The following PUDP variants were observed in gnomAD, a reference collection of about 807,000 sequenced individuals.
PUDP encodes the protein pseudouridine-5'-phosphatase.
PUDP carries 8 observed loss-of-function variants against 9.4 expected under a neutral mutation model. The ratio of observed to expected loss-of-function variants is 0.85; its 90% CI spans 0.50 to 1.53. The LOEUF is 1.53. Ranked by LOEUF, PUDP falls within the 40% of genes most tolerant of loss-of-function variation. The pLI is 0.00. For synonymous variants in PUDP, 99 were observed against 80.7 expected (o/e 1.23, Z -1.22); for missense variants, 188 against 189.7 (o/e 0.99, Z 0.05).
chrX:6,768,603 A>G (rs1343148391), intron 3 of PUDP, among the ~76,000 whole-genome samples: 1 of 111,646 alleles, frequency 9.0e-6, no homozygotes, highest in Non-Finnish European at 1.9e-5. Flanking sequence ...AAATTGCAAG[A>G]TCCATTCTGT....
intron 1 of PUDP, among the ~76,000 whole-genome samples, chrX:7,134,967 T>C (rs1382577704): frequency 8.9e-6 from 1 of 112,247 alleles, no homozygotes; most frequent in South Asian, 3.7e-4. Context: ...GCCAAGCTAC[T>C]GCAATTGAGG....
At chrX:7,106,394 G>A (rs748522883) in intron 1 of PUDP, among the ~76,000 whole-genome samples, 1 of 112,171 alleles carries the variant, frequency 8.9e-6, no homozygotes, top group Non-Finnish European at 1.9e-5. Flanking sequence ...TTAACTCCCG[G>A]CTCGGCACTT....
At chrX:6,908,102 A>G (rs1334569878) in intron 3 of PUDP, among the ~76,000 whole-genome samples, 1 of 112,411 alleles carries the variant, frequency 8.9e-6, no homozygotes, top group African/African-American at 3.2e-5. Context: ...ACCCAGTACA[A>G]TACAACCATA....
chrX:6,890,935 CAAAAAAAAAAAAAAAA>C (rs764486249), intron 3 of PUDP, among the ~76,000 whole-genome samples: 2 of 33,149 alleles, frequency 6.0e-5, no homozygotes, highest in South Asian at 3.1e-3. Flanking sequence ...CTCATCTCTC[CAAAAAAAAAAAAAAAA>C]AAAAAAAAAA....
At chrX:7,029,929 A>C (rs1433827599) in intron 1 of PUDP, among the ~76,000 whole-genome samples, 1 of 110,781 alleles carries the variant, frequency 9.0e-6, no homozygotes, top group African/African-American at 3.3e-5. Context: ...AGCTCTTCTA[A>C]GCCAATCTTA....
At chrX:6,840,488 C>T (rs865996631) in intron 3 of PUDP, among the ~76,000 whole-genome samples, 2 of 112,119 alleles carry the variant, frequency 1.8e-5, no homozygotes, top group East Asian at 2.8e-4. Flanking sequence ...ATGAAATAAA[C>T]CAGTCTGAGA....
intron 3 of PUDP, among the ~76,000 whole-genome samples, chrX:6,786,491 T>G (rs1196456465): frequency 1.8e-5 from 2 of 112,452 alleles, no homozygotes; most frequent in African/African-American, 6.4e-5. Context: ...TTGTCTGTTA[T>G]TTTGTATGGA....
chrX:6,987,413 T>C (rs5979866), intron 1 of PUDP, among the ~76,000 whole-genome samples: 40,939 of 110,954 alleles, frequency 0.37, 5,574 homozygotes, highest in Non-Finnish European at 0.41. Flanking sequence ...CATTTTGCAG[T>C]AACTGCTGAG....
At chrX:6,725,067 G>A (rs918854120), upstream of PUDP, among the ~76,000 whole-genome samples, 2 of 111,691 alleles carry the variant, frequency 1.8e-5, no homozygotes, top group Non-Finnish European at 3.8e-5. Flanking sequence ...GGTCGAGCAC[G>A]GTTGGTCCCC....
intron 3 of PUDP, among the ~76,000 whole-genome samples, chrX:6,880,567 T>C (rs992069745): frequency 5.3e-5 from 6 of 112,501 alleles, no homozygotes; most frequent in Admixed American, 2.8e-4. Context: ...TCTTGTTTAC[T>C]ATTAATTTCC....
Position 7,105,804 on chromosome X carries a change from T to A in PUDP, c.96A>T (p.Glu32Asp). ...TERLYSVVFQ[E>D]ICNRYDKKYS... ...ATTTCTTGTCATAGCGATTACATAT[T>A]TCTTGAAACACCACTGAATACAGCC... is the stretch of plus-strand genomic sequence containing the variant. The change falls in exon 2 of 4, where the codon GAA becomes GAT. Residue 32 changes from glutamate to aspartate, a missense_variant. Coordinates refer to ENST00000381077, the MANE Select transcript of PUDP (RefSeq NM_012080.5). 2 of 1,207,397 alleles carry A rather than the reference T, an allele frequency of 1.7e-6. No homozygotes were observed. Among genetic ancestry groups the A allele is most frequent in the Non-Finnish European group, 2.2e-6 (2 of 892,060 alleles).
chrX:6,835,354 G>A (rs1350742711), intron 3 of PUDP, among the ~76,000 whole-genome samples: 1 of 110,620 alleles, frequency 9.0e-6, no homozygotes, highest in Non-Finnish European at 1.9e-5. Flanking sequence ...TTAGCCCGAC[G>A]ATACCCCAAG....
chrX:7,105,615 C>A lies in PUDP; in HGVS notation c.280+5G>T. On this transcript the variant is annotated splice_donor_5th_base_variant and intron_variant, in intron 2 of 3. Transcript: ENST00000381077. The stretch of plus-strand genomic sequence containing the variant: ...ATAACCCTGCAAACAGCGAGGCAAC[C>A]GCACCTGGCATGAGCGCAGCCGTGG... The A allele has an allele frequency of 8.4e-7, 1 of 1,186,910 alleles. No homozygotes were observed. The highest frequency in any genetic ancestry group is 1.1e-6 in the Non-Finnish European group (1 of 881,182).
chrX:6,801,159 A>G (rs890370667), intron 3 of PUDP, among the ~76,000 whole-genome samples: 1 of 112,234 alleles, frequency 8.9e-6, no homozygotes. Flanking sequence ...AGAAAAAGAA[A>G]AAGAAAAGGA....
At chrX:6,982,053 T>C (rs201196723) in intron 1 of PUDP, among the ~76,000 whole-genome samples, 9,068 of 55,604 alleles carry the variant, frequency 0.16, 435 homozygotes, top group African/African-American at 0.23. Context: ...CACACACACA[T>C]ACACACACGC....
chrX:6,737,839 T>C (rs1352844673), intron 3 of PUDP, among the ~76,000 whole-genome samples: 1 of 111,569 alleles, frequency 9.0e-6, no homozygotes, highest in Non-Finnish European at 1.9e-5. Flanking sequence ...CTCCATCAAC[T>C]GGGTTTAGAA....
rs1249862527 is a variant in PUDP at position 6,858,626 on chromosome X, T to C, written c.*247+118507A>G. ...TGAGCCCCAGGACCCAGCCTATGTG[T>C]ATCCTTTGTAATAAAACTATAACTG... is the stretch of plus-strand genomic sequence containing the variant. On this transcript the variant is annotated intron_variant and NMD_transcript_variant, in intron 3 of 3. Transcript: ENST00000655425. Among the ~76,000 whole-genome samples the C allele has an allele frequency of 2.7e-5, 3 of 111,991 alleles. No individual in the cohort carries two copies. In the East Asian group the frequency reaches 8.4e-4, roughly 31 times the overall value.
intron 3 of PUDP, among the ~76,000 whole-genome samples, chrX:6,958,573 A>G (rs1602690580): frequency 9.0e-6 from 1 of 110,771 alleles, no homozygotes; most frequent in East Asian, 2.8e-4. Context: ...TCTACTAAAA[A>G]TACAAAAAAT....
chrX:6,834,844 A>T lies in PUDP; in HGVS notation c.*248-128378T>A, dbSNP rs1926557782. ...AGATCAAACTTGCAGCCCCAGGCCCATTTGTAATCAACATTAATCCACTCA... is the reference window on the plus strand; with the variant it reads ...AGATCAAACTTGCAGCCCCAGGCCCTTTTGTAATCAACATTAATCCACTCA... On this transcript the variant is annotated intron_variant and NMD_transcript_variant, in intron 3 of 3. Coordinates refer to the PUDP transcript ENST00000655425. 2.7e-5 allele frequency among the ~76,000 whole-genome samples: 3 copies of T among 110,995 alleles called. No individual in the cohort carries two copies. The South Asian group carries it at 1.2e-3, about 44-fold the overall frequency.
Sources: allele counts gnomAD v4.1 joint callset (sites outside exome capture counted in the v4.1 genomes callset), GRCh38; gene constraint gnomAD v4.1.1; transcripts MANE v1.5; gene names NCBI Gene and HGNC (gene_info 2026-07-23, HGNC 2026-07-21).